ATG4B: variants seen among roughly 807,000 people sequenced by gnomAD.
ATG4B encodes cysteine protease ATG4B.
ATG4B carries 29 observed loss-of-function variants against 56.6 expected under a neutral mutation model. The observed-to-expected ratio is 0.51, with a 90% CI of 0.38 to 0.70. The LOEUF (loss-of-function observed/expected upper bound fraction) is 0.70, where lower values mean the gene tolerates loss of function less well. Ranked by LOEUF, ATG4B falls within the 30% of genes least tolerant of loss-of-function variation. ATG4B has a pLI of 0.00. For missense variants in ATG4B, 461 were observed against 515.5 expected (o/e 0.89, Z 1.02); for synonymous variants, 224 against 206.1 (o/e 1.09, Z -0.74).
At chr2:241,637,852 G>A (rs1490909197) in intron 1 of ATG4B, 128 bp downstream of exon 1, 10 of 1,154,832 alleles carry the variant, frequency 8.7e-6, no homozygotes, top group Non-Finnish European at 1.1e-5. Flanking sequence ...GGGCCGGGGC[G>A]GCGGGCGCTG....
intron 7 of ATG4B, among the ~76,000 whole-genome samples, chr2:241,666,031 T>G (rs1330876977): frequency 2.0e-5 from 3 of 152,232 alleles, no homozygotes; most frequent in Admixed American, 6.5e-5. Flanking sequence ...TTTTGAGCCC[T>G]CCCTTATGTT....
rs1358256387 is a variant in ATG4B, at chr2:241,651,839, A to G, written c.184+504A>G. 2.5e-6 allele frequency: 3 copies of G among 1,224,266 alleles called. No individual in the cohort carries two copies. The Admixed American group carries it at 6.9e-5, about 28-fold the overall frequency. The allele number at this position is 1,224,266 out of a possible 1,614,324, so 75.8% of individuals were successfully genotyped here. ...TGGGGAGATTTGAAGGGCCAGGTGA[A>G]TGTGACATGTTTTTATGTAACACTA... On this transcript the variant is annotated intron_variant, in intron 3 of 12. Coordinates refer to ENST00000404914, the MANE Select transcript of ATG4B (RefSeq NM_013325.5). The surrounding 1 kb of genome is among the most constrained non-coding windows in gnomAD (Gnocchi z 4.1).
At chr2:241,643,437 G>A (rs1305649798) in intron 1 of ATG4B, among the ~76,000 whole-genome samples, 3 of 147,646 alleles carry the variant, frequency 2.0e-5, no homozygotes, top group Non-Finnish European at 4.5e-5. Context: ...AAACTCCTGG[G>A]CTCAAGTGAT....
chr2:241,651,132 C>T lies in ATG4B; in HGVS notation c.112+21C>T, dbSNP rs775302374. Reference sequence around the variant, plus strand: ...CACAGGTATCGGCCATGCTGGAGCCCACCCTGGTCTGACCGCTTGGCCTGC... The same window carrying T: ...CACAGGTATCGGCCATGCTGGAGCCTACCCTGGTCTGACCGCTTGGCCTGC... On this transcript the variant is annotated intron_variant, in intron 2 of 12. Transcript: ENST00000404914. This position sits in a 1 kb window ranked among gnomAD's most constrained non-coding sequence, Gnocchi z 4.1. 3 of 1,602,808 alleles carry T rather than the reference C, an allele frequency of 1.9e-6. No homozygotes were observed. The highest frequency in any genetic ancestry group is 1.6e-4 in the Middle Eastern group (1 of 6,064).
intron 12 of ATG4B, chr2:241,671,831 G>A: frequency 7.8e-7 from 1 of 1,276,456 alleles, no homozygotes; most frequent in African/African-American, 1.5e-5. Context: ...AGTGAAGTGA[G>A]TGGCCGTGAG....
intron 6 of ATG4B, among the ~76,000 whole-genome samples, chr2:241,658,314 A>AG (rs1243917683): frequency 2.1e-5 from 2 of 97,114 alleles, no homozygotes; most frequent in Non-Finnish European, 4.4e-5. Context: ...GTGGTGGGGC[A>AG]GGGGGGCAGT....
intron 7 of ATG4B, 149 bp downstream of exon 7, chr2:241,659,336 A>G (rs756634909): frequency 1.4e-6 from 1 of 740,660 alleles, no homozygotes; most frequent in East Asian, 2.8e-5. Flanking sequence ...GCGCCAAGCC[A>G]GATGCACGGT....
intron 4 of ATG4B, among the ~76,000 whole-genome samples, 168 bp from the exon 5 acceptor site, chr2:241,654,378 G>C (rs1240904262): frequency 2.1e-5 from 3 of 141,770 alleles, no homozygotes; most frequent in African/African-American, 7.9e-5. Flanking sequence ...CCGAGATCAC[G>C]CCATTGCACT....
chr2:241,660,649 A>T (rs1289055140), intron 7 of ATG4B, among the ~76,000 whole-genome samples: 1 of 152,224 alleles, frequency 6.6e-6, no homozygotes, highest in Non-Finnish European at 1.5e-5. Context: ...AATAACTCAT[A>T]TGAGCATTTT....
intron 4 of ATG4B, 57 bp from the exon 5 acceptor site, chr2:241,654,489 T>C: frequency 1.6e-6 from 2 of 1,252,636 alleles, no homozygotes; most frequent in Non-Finnish European, 2.3e-6. Context: ...AGTGTGAAAG[T>C]GAAAACTTGT....
intron 6 of ATG4B, among the ~76,000 whole-genome samples, chr2:241,656,884 C>T (rs2068420719): frequency 6.6e-6 from 1 of 152,262 alleles, no homozygotes; most frequent in African/African-American, 2.4e-5. Flanking sequence ...ATGATCTCTG[C>T]TCAGAATCCC....
chr2:241,648,107 C>G (rs75026773), intron 1 of ATG4B, among the ~76,000 whole-genome samples: 2 of 151,972 alleles, frequency 1.3e-5, no homozygotes, highest in Non-Finnish European at 2.9e-5. Context: ...GAGTGAGACT[C>G]CATCACAAAA....
chr2:241,649,244 T>C (rs2068157474), intron 1 of ATG4B, among the ~76,000 whole-genome samples: 1 of 152,110 alleles, frequency 6.6e-6, no homozygotes, highest in Non-Finnish European at 1.5e-5. Flanking sequence ...TCTGTGTTTA[T>C]GTAGAATGCT....
intron 1 of ATG4B, among the ~76,000 whole-genome samples, chr2:241,649,450 A>G (rs1023251814): frequency 3.9e-5 from 6 of 152,236 alleles, no homozygotes; most frequent in Admixed American, 3.9e-4. Context: ...TGTGGGAGAA[A>G]TTCATATGTG....
intron 8 of ATG4B, among the ~76,000 whole-genome samples, chr2:241,667,286 C>G (rs1312695045): frequency 6.6e-6 from 1 of 152,020 alleles, no homozygotes; most frequent in African/African-American, 2.4e-5. Flanking sequence ...GTGAGGAGCT[C>G]CAGCCACAGG....
At chr2:241,653,333 A>G (rs766153218) in intron 3 of ATG4B, 179 bp from the exon 4 acceptor site, 8 of 1,549,580 alleles carry the variant, frequency 5.2e-6, no homozygotes, top group Non-Finnish European at 6.1e-6. Flanking sequence ...TTCACTCTCC[A>G]GTAAATGTGG....
chr2:241,671,172 A>G, intron 11 of ATG4B, 140 bp from the exon 12 acceptor site: 1 of 743,934 alleles, frequency 1.3e-6, no homozygotes, highest in Non-Finnish European at 2.3e-6. Flanking sequence ...TGTAGCCTTT[A>G]GTGTGGAGCT....
At chr2:241,658,437 T>A (rs1182872593) in intron 6 of ATG4B, among the ~76,000 whole-genome samples, 1 of 152,066 alleles carries the variant, frequency 6.6e-6, no homozygotes. Flanking sequence ...CCACAGGTCT[T>A]GCATTCTGTC....
At chr2:241,641,788 G>T (rs182022019) in intron 1 of ATG4B, among the ~76,000 whole-genome samples, 2 of 152,168 alleles carry the variant, frequency 1.3e-5, no homozygotes, top group Non-Finnish European at 2.9e-5. Context: ...TGTGAATGTG[G>T]GTGGGAAAGA....
Sources: gnomAD v4.1 joint callset for allele counts (sites outside exome capture counted in the v4.1 genomes callset) on GRCh38, gnomAD v4.1.1 for gene constraint, Gnocchi (gnomAD v3.1) non-coding constraint, MANE v1.5 for transcripts, NCBI Gene and HGNC (gene_info 2026-07-23, HGNC 2026-07-21) for gene names.